Variants in NLGN1 observed in about 807,000 individuals in gnomAD.
NLGN1 encodes neuroligin-1.
NLGN1 carries 12 observed loss-of-function variants against 65.5 expected under a neutral mutation model. The ratio of observed to expected loss-of-function variants is 0.18; its 90% CI spans 0.12 to 0.30. The LOEUF (loss-of-function observed/expected upper bound fraction) is 0.30. NLGN1 is among the 10% of genes least tolerant of loss of function. The pLI is 1.00. For missense variants in NLGN1, 750 were observed against 1,007.1 expected (o/e 0.74, Z 3.46); for synonymous variants, 350 against 359.5 (o/e 0.97, Z 0.30).
At chr3:173,554,690 T>C (rs1366497379) in intron 2 of NLGN1, among the ~76,000 whole-genome samples, 2 of 152,224 alleles carry the variant, frequency 1.3e-5, no homozygotes, top group African/African-American at 4.8e-5. Context: ...TTTAGCTTAT[T>C]ATCAGTTTTT....
chr3:173,489,703 A>G (rs941112874), intron 2 of NLGN1, among the ~76,000 whole-genome samples: 2 of 151,906 alleles, frequency 1.3e-5, no homozygotes, highest in Admixed American at 1.3e-4. Context: ...TCCCACCAAC[A>G]GTGTAAAAGT....
At chr3:173,468,524 A>T (rs2148916274) in intron 2 of NLGN1, among the ~76,000 whole-genome samples, 1 of 152,202 alleles carries the variant, frequency 6.6e-6, no homozygotes, top group South Asian at 2.1e-4. Context: ...AATCTGAATG[A>T]GTGAGGCACA....
At chr3:173,936,525 A>G (rs566054512) in intron 4 of NLGN1, among the ~76,000 whole-genome samples, 120 of 152,176 alleles carry the variant, frequency 7.9e-4, no homozygotes, top group Middle Eastern at 3.4e-3. Context: ...GCAGATGGCA[A>G]CCCTTGGACG....
chr3:173,720,093 G>A (rs1578115505), intron 3 of NLGN1, among the ~76,000 whole-genome samples: 1 of 152,194 alleles, frequency 6.6e-6, no homozygotes, highest in Admixed American at 6.5e-5. Flanking sequence ...CAGCCTAGGC[G>A]ACAGAGAGAG....
intron 3 of NLGN1, among the ~76,000 whole-genome samples, chr3:173,661,649 A>G (rs576357891): frequency 1.3e-5 from 2 of 152,102 alleles, no homozygotes; most frequent in East Asian, 1.9e-4. Context: ...ACATAAGTTT[A>G]TGTTGTGATT....
intron 3 of NLGN1, among the ~76,000 whole-genome samples, chr3:173,744,776 T>C (rs1161754259): frequency 2.0e-5 from 3 of 152,102 alleles, no homozygotes; most frequent in Non-Finnish European, 4.4e-5. Context: ...TCACCTTTGG[T>C]TTCTTGTGGA....
intron 4 of NLGN1, among the ~76,000 whole-genome samples, chr3:174,002,236 TCCTGCCTCAG>T (rs1367334875): frequency 6.6e-6 from 1 of 152,118 alleles, no homozygotes; most frequent in Non-Finnish European, 1.5e-5. Context: ...CAAGTGATTC[TCCTGCCTCAG>T]CCGCCTGAGT....
intron 3 of NLGN1, among the ~76,000 whole-genome samples, chr3:173,681,803 T>C (rs55912226): frequency 0.15 from 22,376 of 152,218 alleles, 2,011 homozygotes; most frequent in South Asian, 0.23. Context: ...ATTGAATGTG[T>C]AGTCATATGA....
At chr3:173,738,108 A>T (rs1774069072) in intron 3 of NLGN1, among the ~76,000 whole-genome samples, 1 of 151,860 alleles carries the variant, frequency 6.6e-6, no homozygotes, top group Admixed American at 6.6e-5. Context: ...TTAAATTTTT[A>T]TTATTGAATT....
chr3:174,099,652 C>A (rs947201682), intron 4 of NLGN1, among the ~76,000 whole-genome samples: 1 of 152,056 alleles, frequency 6.6e-6, no homozygotes, highest in African/African-American at 2.4e-5. Context: ...ATTATTTTAA[C>A]TTGGCAGTCT....
intron 2 of NLGN1, among the ~76,000 whole-genome samples, chr3:173,450,894 C>A (rs575051094): frequency 6.6e-6 from 1 of 152,280 alleles, no homozygotes; most frequent in South Asian, 2.1e-4. Context: ...AGTTCTCATG[C>A]CATGGTTTTC....
At chr3:173,867,708 A>G (rs565344292) in intron 4 of NLGN1, among the ~76,000 whole-genome samples, 3 of 152,260 alleles carry the variant, frequency 2.0e-5, no homozygotes, top group Admixed American at 1.3e-4. Context: ...TGAAGGGTAC[A>G]TTCCAATTAC....
At chr3:173,636,703 G>A (rs1266240036) in intron 3 of NLGN1, among the ~76,000 whole-genome samples, 1 of 152,004 alleles carries the variant, frequency 6.6e-6, no homozygotes, top group African/African-American at 2.4e-5. Flanking sequence ...ATAGTTGTAT[G>A]GGGATTTTTA....
Position 174,285,055 on chromosome 3 carries a change from C to G in NLGN1, c.*3752C>G, listed in dbSNP as rs561073524. 5.3e-5 allele frequency: 8 copies of G among 151,476 alleles called. No individual in the cohort carries two copies. In the East Asian group the frequency reaches 9.7e-4, roughly 18 times the overall value. The allele number at this position is 151,476 out of a possible 1,614,324, so 9.4% of individuals were successfully genotyped here. A position where few individuals can be genotyped will look rare whatever the true frequency, so the allele number is the denominator to read the frequency against. On this transcript the variant is annotated 3_prime_UTR_variant, in exon 7 of 7. Transcript: ENST00000457714. The stretch of plus-strand genomic sequence containing the variant: ...CAGTTATTTCACCTCTTGCCACACT[C>G]ATCCTGACATACGTATTAATATCAA...
At chr3:173,851,158 G>C (rs1339665063) in intron 4 of NLGN1, among the ~76,000 whole-genome samples, 1 of 151,728 alleles carries the variant, frequency 6.6e-6, no homozygotes, top group South Asian at 2.1e-4. Flanking sequence ...TACTTTTTTT[G>C]TCCATTTTCC....
chr3:173,986,126 G>T (rs527948465), intron 4 of NLGN1, among the ~76,000 whole-genome samples: 7 of 152,090 alleles, frequency 4.6e-5, no homozygotes, highest in African/African-American at 1.7e-4. Flanking sequence ...GAAGTCATAC[G>T]GGAGTAGAGT....
At chr3:173,892,282 A>G (rs1735492377) in intron 4 of NLGN1, among the ~76,000 whole-genome samples, 1 of 151,254 alleles carries the variant, frequency 6.6e-6, no homozygotes, top group African/African-American at 2.4e-5. Flanking sequence ...TCTGTGTGTC[A>G]TATCCTCCAA....
chr3:173,700,624 T>A (rs943401801), intron 3 of NLGN1, among the ~76,000 whole-genome samples: 4 of 152,252 alleles, frequency 2.6e-5, no homozygotes, highest in Non-Finnish European at 5.9e-5. Context: ...GCATCATCTT[T>A]AGGCAGAAAC....
In NLGN1 at chr3:173,850,431, A is replaced by G. The variant is rs538595994; in HGVS notation, c.646+42599A>G. ...ATCACTGTGTTGTGATTTCTGGGTTATGCTTATATCTTCCTAACCATACAA... is the reference window on the plus strand; with the variant it reads ...ATCACTGTGTTGTGATTTCTGGGTTGTGCTTATATCTTCCTAACCATACAA... On this transcript the variant is annotated intron_variant, in intron 4 of 6. Transcript: ENST00000457714. Among the ~76,000 whole-genome samples the G allele has an allele frequency of 8.5e-5, 13 of 152,250 alleles. No individual in the cohort carries two copies. In the East Asian group the frequency reaches 2.5e-3, roughly 29 times the overall value.
Sources: allele counts gnomAD v4.1 joint callset (sites outside exome capture counted in the v4.1 genomes callset), GRCh38; gene constraint gnomAD v4.1.1; transcripts MANE v1.5; gene names NCBI Gene and HGNC (gene_info 2026-07-23, HGNC 2026-07-21).